Variants in MYC observed in about 807,000 individuals in gnomAD.
MYC encodes myc proto-oncogene protein.
In MYC, 1 loss-of-function variant was observed where a neutral mutation model predicts 30.5. The ratio of observed to expected loss-of-function variants is 0.03; its 90% CI spans 0.01 to 0.16. MYC has a LOEUF of 0.16. Among genes scored for constraint, MYC ranks in the 10% least tolerant of loss-of-function variants. MYC has a pLI of 1.00. For missense variants in MYC, 508 were observed against 589.0 expected (o/e 0.86, Z 1.42); for synonymous variants, 267 against 250.7 (o/e 1.07, Z -0.62).
rs761433935 is a variant in MYC, at chr8:127,736,633, G to A, written c.30+10G>A. The A allele has an allele frequency of 3.1e-6, 5 of 1,613,916 alleles. No homozygotes were observed. The highest frequency in any genetic ancestry group is 1.1e-5 in the South Asian group (1 of 91,076). ...GGTAGTGGAAAACCAGGTAAGCACC[G>A]AAGTCCACTTGCCTTTTAATTTATT... On this transcript the variant is annotated intron_variant, in intron 1 of 2. Transcript: ENST00000621592.
Position 127,740,895 on chromosome 8 carries a change from G to C in MYC, c.1302G>C (p.Leu434Phe), listed in dbSNP as rs145561065. ...AAAAGCTCATTTCTGAAGAGGACTT[G>C]TTGCGGAAACGACGAGAACAGTTGA... The change falls in exon 3 of 3, where the codon TTG (leucine) becomes TTC (phenylalanine). Residue 434 changes from leucine (L) to phenylalanine (F), a missense_variant. This residue lies in a region of MYC where 31 missense variants were observed against 28.3 expected (regional missense o/e 1.09). Transcript: ENST00000621592. 43 of 1,607,004 alleles carry C rather than the reference G, an allele frequency of 2.7e-5. No individual in the cohort carries two copies. The highest frequency in any genetic ancestry group is 3.4e-5 in the Non-Finnish European group (40 of 1,178,010).
intron 2 of MYC, among the ~76,000 whole-genome samples, 187 bp downstream of exon 2, chr8:127,739,206 G>A (rs1350808058): frequency 6.6e-6 from 1 of 152,096 alleles, no homozygotes; most frequent in African/African-American, 2.4e-5. Context: ...CCCTTAGACT[G>A]CCCATGTTTG....
intron 2 of MYC, among the ~76,000 whole-genome samples, chr8:127,739,850 T>C (rs1046788350): frequency 6.6e-6 from 1 of 152,170 alleles, no homozygotes; most frequent in Non-Finnish European, 1.5e-5. Context: ...TTGGCATCAA[T>C]GTCCTATCCT....
At chr8:127,739,524 G>A (rs769084302) in intron 2 of MYC, among the ~76,000 whole-genome samples, 1 of 152,200 alleles carries the variant, frequency 6.6e-6, no homozygotes, top group Admixed American at 6.5e-5. Context: ...ACTGCCTCAA[G>A]AGTGGGTGGG....
In MYC at chr8:127,738,456, G is replaced by C. The variant is rs2130093613; in HGVS notation, c.239G>C (p.Arg80Pro). The change falls in exon 2 of 3, where the codon CGC becomes CCC. Residue 80 changes from arginine (R) to proline (P), a missense_variant. Arg to Pro is a moderately radical substitution (Grantham distance 103). Coordinates refer to ENST00000621592, the MANE Select transcript of MYC (RefSeq NM_002467.6). This position sits in a 1 kb window ranked among gnomAD's most constrained non-coding sequence, Gnocchi z 7.6. The stretch of plus-strand genomic sequence containing the variant: ...CCCACCCCGCCCCTGTCCCCTAGCC[G>C]CCGCTCCGGGCTCTGCTCGCCCTCC... The C allele has an allele frequency of 6.2e-7, 1 of 1,606,322 alleles. No homozygotes were observed. Among genetic ancestry groups the C allele is most frequent in the Non-Finnish European group, 8.5e-7 (1 of 1,175,056 alleles).
In MYC at chr8:127,741,817, C is replaced by G. The variant is rs1813717289; in HGVS notation, c.*859C>G. ...GCCAGTCCCCTGCTCACTCCAAACC[C>G]AGGAATTCTGCCCAGTTGATGGGGA... On this transcript the variant is annotated 3_prime_UTR_variant, in exon 3 of 3. Coordinates refer to ENST00000621592, the MANE Select transcript of MYC (RefSeq NM_002467.6). 6.6e-6 allele frequency among the ~76,000 whole-genome samples: 1 copy of G among 152,172 alleles called. No homozygotes were observed. Among genetic ancestry groups the G allele is most frequent in the African/African-American group, 2.4e-5 (1 of 41,420 alleles).
upstream of MYC, chr8:127,736,121 T>A: frequency 2.3e-6 from 1 of 426,620 alleles, no homozygotes; most frequent in Non-Finnish European, 4.1e-6. Context: ...CGGCCGTCCC[T>A]GGCTCCCCTC....
At chr8:127,736,735 CTT>C (rs1813598150) in intron 1 of MYC, 112 bp downstream of exon 1, 1 of 1,234,442 alleles carries the variant, frequency 8.1e-7, no homozygotes, top group Admixed American at 2.0e-5. Context: ...GCTATTGACA[CTT>C]TTCTCAGAGT....
Position 127,736,506 on chromosome 8 carries a change from G to C in MYC, c.-88G>C, listed in dbSNP as rs557901268. 5 of 1,452,568 alleles carry C rather than the reference G, an allele frequency of 3.4e-6. No individual in the cohort carries two copies. Among genetic ancestry groups the C allele is most frequent in the African/African-American group, 1.4e-5 (1 of 71,010 alleles). The allele number at this position is 1,452,568 out of a possible 1,614,324, so 90.0% of individuals were successfully genotyped here. On this transcript the variant is annotated 5_prime_UTR_variant, in exon 1 of 3. Transcript: ENST00000621592. ...GCAAGGACGCGACTCTCCCGACGCG[G>C]GGAGGCTATTCTGCCCATTTGGGGA...
rs767216614 is a variant in MYC at position 127,736,643 on chromosome 8, T to C, written c.30+20T>C. On this transcript the variant is annotated intron_variant, in intron 1 of 2. Coordinates refer to ENST00000621592, the MANE Select transcript of MYC (RefSeq NM_002467.6). ...AACCAGGTAAGCACCGAAGTCCACT[T>C]GCCTTTTAATTTATTTTTTTATCAC... 6.2e-7 allele frequency: 1 copy of C among 1,613,244 alleles called. No individual in the cohort carries two copies. Among genetic ancestry groups the C allele is most frequent in the Non-Finnish European group, 8.5e-7 (1 of 1,179,262 alleles).
intron 2 of MYC, among the ~76,000 whole-genome samples, chr8:127,739,842 G>T (rs1431802021): frequency 1.3e-5 from 2 of 152,006 alleles, no homozygotes; most frequent in Non-Finnish European, 2.9e-5. Context: ...GGTAAGAATT[G>T]GCATCAATGT....
At position 127,740,901 on chromosome 8, in the gene MYC, G is replaced by T; in HGVS notation, c.1308G>T (p.Arg436=). The change falls in exon 3 of 3, where the codon CGG becomes CGT. Residue 436 remains arginine, a synonymous_variant. Coordinates refer to ENST00000621592, the MANE Select transcript of MYC (RefSeq NM_002467.6). ...TCATTTCTGAAGAGGACTTGTTGCG[G>T]AAACGACGAGAACAGTTGAAACACA... 6.2e-7 allele frequency: 1 copy of T among 1,605,240 alleles called. No individual in the cohort carries two copies. The highest frequency in any genetic ancestry group is 8.5e-7 in the Non-Finnish European group (1 of 1,177,266).
Position 127,738,221 on chromosome 8 carries a change from C to A in MYC, c.31-27C>A. ...CCAAGACCCCTTTAACTCAAGACTG[C>A]CTCCCGCTTTGTGTGCCCCGCTCCA... On this transcript the variant is annotated intron_variant, in intron 1 of 2. Coordinates refer to ENST00000621592, the MANE Select transcript of MYC (RefSeq NM_002467.6). This position sits in a 1 kb window ranked among gnomAD's most constrained non-coding sequence, Gnocchi z 7.6. 6.4e-7 allele frequency: 1 copy of A among 1,553,210 alleles called. No homozygotes were observed. The highest frequency in any genetic ancestry group is 8.7e-7 in the Non-Finnish European group (1 of 1,147,948).
chr8:127,741,125 AG>A lies in MYC; in HGVS notation c.*168del. The A allele has an allele frequency of 2.0e-6, 1 of 506,622 alleles. No homozygotes were observed. Among genetic ancestry groups the A allele is most frequent in the Non-Finnish European group, 3.2e-6 (1 of 315,808 alleles). 31.4% of individuals were successfully genotyped at this position (506,622 alleles called of 1,614,324 possible). On this transcript the variant is annotated 3_prime_UTR_variant, in exon 3 of 3. Coordinates refer to ENST00000621592, the MANE Select transcript of MYC (RefSeq NM_002467.6). ...CCTCAAATTGGACTTTGGGCATAAA[AG>A]AACTTTTTTATGCTTACCATCTTTT...
intron 1 of MYC, among the ~76,000 whole-genome samples, chr8:127,737,844 TCTC>T (rs1311166865): frequency 6.6e-6 from 1 of 152,098 alleles, no homozygotes; most frequent in Non-Finnish European, 1.5e-5. Context: ...CCTCTCGCCT[TCTC>T]CTTCAGGTGG....
In MYC at chr8:127,741,346, G is replaced by A. The variant is rs1813708314; in HGVS notation, c.*388G>A. On this transcript the variant is annotated 3_prime_UTR_variant, in exon 3 of 3. Transcript: ENST00000621592. ...ATAAACCCTAATTTTTTTTATTTAA[G>A]TACATTTTGCTTTTTAAAGTTGATT... 4.3e-6 allele frequency: 1 copy of A among 233,758 alleles called. No individual in the cohort carries two copies. The allele number at this position is 233,758 out of a possible 1,614,324, so 14.5% of individuals were successfully genotyped here. A position where few individuals can be genotyped will look rare whatever the true frequency, so the allele number is the denominator to read the frequency against.
chr8:127,737,402 T>C (rs908765090), intron 1 of MYC, among the ~76,000 whole-genome samples: 17 of 152,238 alleles, frequency 1.1e-4, no homozygotes, highest in Admixed American at 8.5e-4. Flanking sequence ...CCCTCGGGTG[T>C]CCTCGCGCCC....
rs1285441185 is a variant in MYC, at chr8:127,740,498, A to G, written c.905A>G (p.His302Arg). 1.4e-5 allele frequency: 22 copies of G among 1,614,152 alleles called. No individual in the cohort carries two copies. The highest frequency in any genetic ancestry group is 1.8e-5 in the Non-Finnish European group (21 of 1,180,026). ...TCTGGATCACCTTCTGCTGGAGGCCACAGCAAACCTCCTCACAGCCCACTG... is the reference window on the plus strand; with the variant it reads ...TCTGGATCACCTTCTGCTGGAGGCCGCAGCAAACCTCCTCACAGCCCACTG... The change falls in exon 3 of 3, where the codon CAC becomes CGC. Residue 302 changes from histidine (H) to arginine (R), a missense_variant. His to Arg is a conservative substitution (Grantham distance 29). This residue lies in a region of MYC where 364 missense variants were observed against 381.1 expected (regional missense o/e 0.96). Transcript: ENST00000621592.
rs777980347 is a variant in MYC at position 127,738,714 on chromosome 8, C to G, written c.497C>G (p.Ser166Cys). ...AAGCTCGTCTCAGAGAAGCTGGCCT[C>G]CTACCAGGCTGCGCGCAAAGACAGC... The change falls in exon 2 of 3, where the codon TCC becomes TGC. Residue 166 changes from serine (S) to cysteine (C), a missense_variant. Coordinates refer to ENST00000621592, the MANE Select transcript of MYC (RefSeq NM_002467.6). The surrounding 1 kb of genome is among the most constrained non-coding windows in gnomAD (Gnocchi z 7.6). 7 of 1,614,002 alleles carry G rather than the reference C, an allele frequency of 4.3e-6. No homozygotes were observed. Among genetic ancestry groups the G allele is most frequent in the Middle Eastern group, 1.6e-4 (1 of 6,062 alleles).
Sources: gnomAD v4.1 joint callset for allele counts (sites outside exome capture counted in the v4.1 genomes callset) on GRCh38, gnomAD v4.1.1 for gene constraint, gnomAD v4.1.1 regional missense constraint, Gnocchi (gnomAD v3.1) non-coding constraint, MANE v1.5 for transcripts, NCBI Gene and HGNC (gene_info 2026-07-23, HGNC 2026-07-21) for gene names.